Variants in CD244 observed in about 807,000 individuals in gnomAD.
CD244 encodes the protein natural killer cell receptor 2B4.
In CD244, 20 loss-of-function variants were observed where a neutral mutation model predicts 45.5. The ratio of observed to expected loss-of-function variants is 0.44; its 90% confidence interval spans 0.31 to 0.64. The LOEUF (loss-of-function observed/expected upper bound fraction) is 0.64, where lower values mean the gene tolerates loss of function less well. Ranked by LOEUF, CD244 falls within the 30% of genes least tolerant of loss-of-function variation. The pLI is 0.08. For synonymous variants in CD244, 185 were observed against 160.5 expected (o/e 1.15, Z -1.15); for missense variants, 407 against 426.9 (o/e 0.95, Z 0.41).
At chr1:160,858,953 G>A (rs1404818680) in intron 1 of CD244, among the ~76,000 whole-genome samples, 2 of 152,176 alleles carry the variant, frequency 1.3e-5, no homozygotes, top group Non-Finnish European at 2.9e-5. Flanking sequence ...AAAAGCCCTG[G>A]CCTCAAGGAT....
chr1:160,844,496 G>A (rs867827690), intron 1 of CD244, among the ~76,000 whole-genome samples: 1 of 152,222 alleles, frequency 6.6e-6, no homozygotes, highest in African/African-American at 2.4e-5. Flanking sequence ...TGGTCTTCAT[G>A]ATGAAACGCA....
chr1:160,844,244 A>G (rs368474578), intron 1 of CD244, among the ~76,000 whole-genome samples: 2 of 152,238 alleles, frequency 1.3e-5, no homozygotes, highest in East Asian at 1.9e-4. Context: ...ATCTCCAAAA[A>G]CCAACAGAAG....
chr1:160,839,024 C>A lies in CD244; in HGVS notation c.681G>T (p.Val227=). The change falls in exon 4 of 9, where the codon GTG becomes GTT. Residue 227 remains valine (V), a synonymous_variant. Transcript: ENST00000368034. The part of the protein sequence containing the change: ...HQEFRFWPFL[V]IIVILSALFL... Reference sequence around the variant, plus strand: ...ACAGTGCGCTTAGAATCACGATGATCACCAAAAACGGCCAAAATCTGAATT... The same window carrying A: ...ACAGTGCGCTTAGAATCACGATGATAACCAAAAACGGCCAAAATCTGAATT... The A allele has an allele frequency of 6.2e-7, 1 of 1,613,822 alleles. No individual in the cohort carries two copies. Among genetic ancestry groups the A allele is most frequent in the South Asian group, 1.1e-5 (1 of 91,006 alleles).
rs1557835574 is a variant in CD244 at position 160,841,454 on chromosome 1, C to T, written c.411G>A (p.Gln137=). ...ATCTCCCTCTGTCCAGGATCTTCCC[C>T]TGCCCCTGTAGGCGGGGTTTCTCAA... ...DKVEKPRLQG[Q]GKILDRGRCQ... Residue 137 remains glutamine (Q), a synonymous_variant, in exon 3 of 9, where the codon CAG becomes CAA. Transcript: ENST00000368034. The T allele has an allele frequency of 4.3e-6, 7 of 1,614,110 alleles. No homozygotes were observed. Among genetic ancestry groups the T allele is most frequent in the Non-Finnish European group, 4.2e-6 (5 of 1,180,020 alleles).
rs764386902 is a variant in CD244, at chr1:160,831,357, A to G, written c.1088T>C (p.Val363Ala). The G allele has an allele frequency of 1.9e-6, 3 of 1,613,828 alleles. No homozygotes were observed. In the Admixed American group the frequency reaches 5.0e-5, roughly 27 times the overall value. Residue 363 changes from valine to alanine, a missense_variant, in exon 9 of 9, where the codon GTT becomes GCT. Coordinates refer to ENST00000368034, the MANE Select transcript of CD244 (RefSeq NM_016382.4). ...LSRKELENFD[V>A]YS is the part of the protein sequence containing the mutation. ...GAATTGCTGCAGCAACTAGGAATAA[A>G]CATCAAAGTTCTCCAGCTCTTTGCG...
chr1:160,862,728 T>C lies in CD244; in HGVS notation c.-51A>G, dbSNP rs1174891410. 6.4e-7 allele frequency: 1 copy of C among 1,565,030 alleles called. No individual in the cohort carries two copies. The highest frequency in any genetic ancestry group is 8.8e-7 in the Non-Finnish European group (1 of 1,138,532). On this transcript the variant is annotated 5_prime_UTR_variant, in exon 1 of 9. Transcript: ENST00000368034. ...AGCCCCTCCACCCCACCAGACTCTC[T>C]GCCGTGCACGGGCTCAGCAGTCCCC...
chr1:160,836,384 A>T (rs1174477356), intron 5 of CD244, 130 bp from the exon 6 acceptor site: 1 of 712,616 alleles, frequency 1.4e-6, no homozygotes, highest in Admixed American at 2.1e-5. Context: ...AGGACTGGGG[A>T]GAGTCATTGA....
chr1:160,836,210 A>T lies in CD244; in HGVS notation c.879T>A (p.Ser293=), dbSNP rs746756539. 2.5e-6 allele frequency: 4 copies of T among 1,613,696 alleles called. No homozygotes were observed. The African/African-American group carries it at 5.3e-5, about 22-fold the overall frequency. ...GGAGAGGTACCTGGGACTGGATCAT[A>T]GAGTAGATGGTGCTCCCCCCTCCAG... ...TFPGGGSTIY[S]MIQSQSSAPT... is the part of the protein sequence containing the mutation. The change falls in exon 6 of 9, where the codon TCT becomes TCA. Residue 293 remains serine (S), a synonymous_variant. Coordinates refer to ENST00000368034, the MANE Select transcript of CD244 (RefSeq NM_016382.4).
intron 1 of CD244, among the ~76,000 whole-genome samples, chr1:160,845,065 C>T (rs565756223): frequency 6.6e-6 from 1 of 152,120 alleles, no homozygotes; most frequent in Non-Finnish European, 1.5e-5. Flanking sequence ...CAAGAGGAAA[C>T]CAAAAGAACC....
chr1:160,860,289 C>G (rs1453173620), intron 1 of CD244, among the ~76,000 whole-genome samples: 1 of 152,010 alleles, frequency 6.6e-6, no homozygotes, highest in Non-Finnish European at 1.5e-5. Context: ...ATCAGACAAA[C>G]CCAGATTAAG....
chr1:160,848,498 CTCTAA>C, intron 1 of CD244: 1 of 502,348 alleles, frequency 2.0e-6, no homozygotes, highest in Non-Finnish European at 3.8e-6. Context: ...GTGTAGACAA[CTCTAA>C]TCTGATATAA....
At chr1:160,847,228 AGGAGAAG>A (rs1261714773) in intron 1 of CD244, among the ~76,000 whole-genome samples, 1 of 152,140 alleles carries the variant, frequency 6.6e-6, no homozygotes, top group Non-Finnish European at 1.5e-5. Flanking sequence ...TAGAACTAAA[AGGAGAAG>A]TAAATCCACA....
Position 160,841,818 on chromosome 1 carries a change from C to CAACCTTCGTCTGTATGCTGTT in CD244, c.124_144dup (p.Asn42_Val48dup). 2.5e-6 allele frequency: 4 copies of CAACCTTCGTCTGTATGCTGTT among 1,614,152 alleles called. No homozygotes were observed. The highest frequency in any genetic ancestry group is 3.4e-6 in the Non-Finnish European group (4 of 1,180,014). ...AGCAACTTCTTCCATGCAATGCTGT[C>CAACCTTCGTCTGTATGCTGTT]AACCTTCGTCTGTATGCTGTTTGGT... On this transcript the variant is annotated inframe_insertion, in exon 2 of 9. Coordinates refer to ENST00000368034, the MANE Select transcript of CD244 (RefSeq NM_016382.4).
chr1:160,846,670 T>G (rs1054549482), intron 1 of CD244, among the ~76,000 whole-genome samples: 1 of 152,044 alleles, frequency 6.6e-6, no homozygotes, highest in Non-Finnish European at 1.5e-5. Context: ...TCTCAAAAAA[T>G]AGTAATAATT....
rs1205776557 is a variant in CD244 at position 160,844,504 on chromosome 1, G to A, written c.62-2603C>T. Among the ~76,000 whole-genome samples the A allele has an allele frequency of 4.6e-5, 7 of 152,136 alleles. No individual in the cohort carries two copies. The East Asian group carries it at 5.8e-4, about 13-fold the overall frequency. On this transcript the variant is annotated intron_variant, in intron 1 of 8. Transcript: ENST00000368034. The stretch of plus-strand genomic sequence containing the variant: ...ACTGGGCTGGTCTTCATGATGAAAC[G>A]CAGCAAAAATGATGTTCTGCTAGTT...
intron 1 of CD244, among the ~76,000 whole-genome samples, chr1:160,855,768 C>A (rs1670083217): frequency 6.6e-6 from 1 of 152,136 alleles, no homozygotes; most frequent in Admixed American, 6.5e-5. Flanking sequence ...ATGAGGTGAA[C>A]TAGTAACTCT....
chr1:160,834,603 G>A (rs533483521), intron 6 of CD244, among the ~76,000 whole-genome samples: 43 of 152,200 alleles, frequency 2.8e-4, no homozygotes, highest in Non-Finnish European at 5.4e-4. Context: ...CGCCCGCCTC[G>A]GCCTCCCAAA....
intron 1 of CD244, chr1:160,848,457 G>T: frequency 1.8e-6 from 1 of 545,862 alleles, no homozygotes; most frequent in Non-Finnish European, 3.6e-6. Flanking sequence ...TCCAGGAATG[G>T]CAAGACCAGC....
At chr1:160,834,555 G>A (rs1669258647) in intron 6 of CD244, among the ~76,000 whole-genome samples, 1 of 152,130 alleles carries the variant, frequency 6.6e-6, no homozygotes, top group Non-Finnish European at 1.5e-5. Flanking sequence ...GTTTCACCAT[G>A]TGGGCCAGGC....
Sources: gnomAD v4.1 joint callset for allele counts (sites outside exome capture counted in the v4.1 genomes callset) on GRCh38, gnomAD v4.1.1 for gene constraint, MANE v1.5 for transcripts, NCBI Gene and HGNC (gene_info 2026-07-23, HGNC 2026-07-21) for gene names.